The following COG5 variants were observed in gnomAD, a reference collection of about 807,000 sequenced individuals.
The protein encoded by COG5 is conserved oligomeric Golgi complex subunit 5.
A neutral mutation model predicts 110.4 loss-of-function variants in COG5; 86 were observed. That is an observed-to-expected ratio of 0.78 (90% confidence interval 0.65 to 0.93). The LOEUF is 0.93. Ranked by LOEUF, COG5 falls within the 40% of genes least tolerant of loss-of-function variation. The pLI is 0.00. For missense variants in COG5, 1,077 were observed against 987.0 expected (o/e 1.09, Z -1.22); for synonymous variants, 360 against 334.6 (o/e 1.08, Z -0.83).
chr7:107,540,105 G>A (rs1246056568), intron 5 of COG5, among the ~76,000 whole-genome samples: 1 of 152,162 alleles, frequency 6.6e-6, no homozygotes, highest in Non-Finnish European at 1.5e-5. Flanking sequence ...AACAGAGGTT[G>A]TGCAGATAAG....
chr7:107,205,959 T>G (rs906731991), intron 21 of COG5, among the ~76,000 whole-genome samples: 14 of 151,844 alleles, frequency 9.2e-5, no homozygotes, highest in Middle Eastern at 6.8e-3. Flanking sequence ...TAGCTGTTTT[T>G]TTTTTTTTTT....
chr7:107,442,458 G>GT (rs1393694740), intron 6 of COG5, among the ~76,000 whole-genome samples: 1 of 151,048 alleles, frequency 6.6e-6, no homozygotes, highest in African/African-American at 2.4e-5. Flanking sequence ...TGATATGGCT[G>GT]TATGTGTCAG....
chr7:107,330,250 T>A (rs182508825), intron 10 of COG5, among the ~76,000 whole-genome samples: 7 of 152,350 alleles, frequency 4.6e-5, no homozygotes, highest in Admixed American at 3.9e-4. Flanking sequence ...AGTATAATTC[T>A]AACTTTAAGA....
In COG5 at chr7:107,412,763, G is replaced by A. The variant is rs79246970; in HGVS notation, c.539-131C>T. Reference sequence around the variant, plus strand: ...TAAACAGGGTTGCCATTCAAAATCCGTATTTTAAAAAATACAGTTTCCCAA... The same window carrying A: ...TAAACAGGGTTGCCATTCAAAATCCATATTTTAAAAAATACAGTTTCCCAA... On this transcript the variant is annotated intron_variant, in intron 6 of 21. Coordinates refer to ENST00000297135, the MANE Select transcript of COG5 (RefSeq NM_006348.5). 3,891 of 616,062 alleles carry A rather than the reference G, an allele frequency of 6.3e-3. 122 individuals are homozygous for A. The African/African-American group carries it at 0.063, about 10-fold the overall frequency. 38.2% of individuals were successfully genotyped at this position (616,062 alleles called of 1,614,324 possible).
At chr7:107,398,489 G>A (rs1017918140) in intron 7 of COG5, among the ~76,000 whole-genome samples, 5 of 152,118 alleles carry the variant, frequency 3.3e-5, no homozygotes, top group Admixed American at 6.5e-5. Context: ...CTGCACACGC[G>A]AGGGACATAG....
chr7:107,240,052 C>G (rs1801493532), intron 17 of COG5, among the ~76,000 whole-genome samples: 1 of 152,166 alleles, frequency 6.6e-6, no homozygotes, highest in South Asian at 2.1e-4. Context: ...AAACTGTAAT[C>G]AGATATGAGT....
intron 12 of COG5, among the ~76,000 whole-genome samples, chr7:107,285,746 G>A (rs191474694): frequency 6.6e-6 from 1 of 151,956 alleles, no homozygotes; most frequent in African/African-American, 2.4e-5. Context: ...GCATGTGCCT[G>A]TAATCCCAGC....
In COG5 at chr7:107,504,226, G is replaced by A. The variant is rs112451722; in HGVS notation, c.538+23011C>T. Among the ~76,000 whole-genome samples the A allele has an allele frequency of 2.1e-4, 32 of 151,982 alleles. 3 individuals are homozygous for A. Among genetic ancestry groups the A allele is most frequent in the African/African-American group, 7.0e-4 (29 of 41,472 alleles). On this transcript the variant is annotated intron_variant, in intron 6 of 21. Transcript: ENST00000297135. The stretch of plus-strand genomic sequence containing the variant: ...TCATAAAAGGATGCTGGATTTTACC[G>A]GATGCTTTTTCTGCATCTATTGAGA...
chr7:107,506,758 A>G (rs1799042668), intron 6 of COG5, among the ~76,000 whole-genome samples: 1 of 152,020 alleles, frequency 6.6e-6, no homozygotes, highest in Middle Eastern at 3.2e-3. Flanking sequence ...CGCCCCTCCC[A>G]GTTGGCTCAC....
At chr7:107,548,520 T>C (rs1802640568) in intron 3 of COG5, among the ~76,000 whole-genome samples, 188 bp from the exon 4 acceptor site, 1 of 152,134 alleles carries the variant, frequency 6.6e-6, no homozygotes, top group Non-Finnish European at 1.5e-5. Flanking sequence ...CCTCCAATCT[T>C]TGCCTCACAA....
At chr7:107,226,674 G>A (rs1450554135) in intron 19 of COG5, among the ~76,000 whole-genome samples, 2 of 152,190 alleles carry the variant, frequency 1.3e-5, no homozygotes, top group Non-Finnish European at 2.9e-5. Context: ...CTTCTCATCT[G>A]ATAGGACTGA....
chr7:107,330,887 A>G (rs1810180120), intron 10 of COG5, among the ~76,000 whole-genome samples: 1 of 146,380 alleles, frequency 6.8e-6, no homozygotes, highest in African/African-American at 2.6e-5. Context: ...CAGTGGTGCG[A>G]TCTCAGCTCA....
intron 6 of COG5, among the ~76,000 whole-genome samples, chr7:107,426,330 TA>T (rs1409532433): frequency 3.9e-5 from 6 of 152,214 alleles, no homozygotes; most frequent in African/African-American, 1.4e-4. Context: ...AGCAGTTAAT[TA>T]ACTTGCCCAA....
chr7:107,357,935 T>C (rs1812773086), intron 10 of COG5, among the ~76,000 whole-genome samples: 1 of 152,188 alleles, frequency 6.6e-6, no homozygotes, highest in African/African-American at 2.4e-5. Flanking sequence ...TCCCAAATTA[T>C]TGGGATTACA....
intron 5 of COG5, among the ~76,000 whole-genome samples, chr7:107,547,242 T>C (rs911374899): frequency 2.0e-5 from 3 of 152,116 alleles, no homozygotes; most frequent in Non-Finnish European, 4.4e-5. Flanking sequence ...ATAAATGATA[T>C]ACCACACTAA....
chr7:107,406,506 A>T (rs1256138659), intron 7 of COG5, among the ~76,000 whole-genome samples: 1 of 152,210 alleles, frequency 6.6e-6, no homozygotes, highest in Non-Finnish European at 1.5e-5. Context: ...ATATGAATTT[A>T]AAAACCAAAG....
intron 12 of COG5, among the ~76,000 whole-genome samples, chr7:107,291,513 G>A (rs1263285140): frequency 3.3e-5 from 5 of 152,162 alleles, no homozygotes; most frequent in Non-Finnish European, 7.3e-5. Context: ...CTCTCCCACA[G>A]TCTTAAATCT....
chr7:107,306,594 C>G (rs1056554873), intron 11 of COG5, among the ~76,000 whole-genome samples: 7 of 152,094 alleles, frequency 4.6e-5, no homozygotes, highest in African/African-American at 1.7e-4. Flanking sequence ...TTTTGGTTTT[C>G]TATTGTTTCT....
intron 17 of COG5, among the ~76,000 whole-genome samples, chr7:107,243,418 C>T (rs985819537): frequency 6.8e-6 from 1 of 147,742 alleles, no homozygotes; most frequent in Non-Finnish European, 1.5e-5. Flanking sequence ...GAGGCTGAGG[C>T]AGGAGAATGG....
Sources: gnomAD v4.1 joint callset for allele counts (sites outside exome capture counted in the v4.1 genomes callset) on GRCh38, gnomAD v4.1.1 for gene constraint, MANE v1.5 for transcripts, NCBI Gene and HGNC (gene_info 2026-07-23, HGNC 2026-07-21) for gene names.